The following HEMK2 variants were observed in gnomAD, a reference collection of about 807,000 sequenced individuals.
HEMK2 encodes HemK methyltransferase 2, ETF1 glutamine and histone H4 lysine.
chr21:28,659,275 C>T, the HEMK2 span, among the ~76,000 whole-genome samples: 2 of 152,076 alleles, frequency 1.3e-5, no homozygotes, highest in Admixed American at 6.6e-5. Flanking sequence ...TAACCCACTG[C>T]AAGCGCTTCA....
chr21:28,652,155 A>G, the HEMK2 span, among the ~76,000 whole-genome samples: 8 of 152,348 alleles, frequency 5.3e-5, 1 homozygote, highest in South Asian at 1.4e-3. Flanking sequence ...TTATTAAAAC[A>G]TAAGAAAAGT....
chr21:28,684,410 G>T, the HEMK2 span, among the ~76,000 whole-genome samples: 4 of 152,170 alleles, frequency 2.6e-5, no homozygotes, highest in African/African-American at 9.7e-5. Context: ...AACTTCATTA[G>T]TAATACCTTG....
the HEMK2 span, among the ~76,000 whole-genome samples, chr21:28,861,795 C>G: frequency 6.6e-6 from 1 of 152,186 alleles, no homozygotes; most frequent in African/African-American, 2.4e-5. Context: ...GTTTCTCTCA[C>G]AGCCAGGATT....
chr21:28,728,906 CCA>C, the HEMK2 span, among the ~76,000 whole-genome samples: 1 of 152,174 alleles, frequency 6.6e-6, no homozygotes, highest in African/African-American at 2.4e-5. Context: ...CAAGCAGTGC[CCA>C]CTCTCCACCC....
the HEMK2 span, among the ~76,000 whole-genome samples, chr21:28,752,175 T>A: frequency 6.3e-4 from 96 of 152,308 alleles, no homozygotes; most frequent in African/African-American, 2.3e-3. Flanking sequence ...TGTTTGCCAG[T>A]GAATAGACTA....
the HEMK2 span, among the ~76,000 whole-genome samples, chr21:28,733,145 G>A: frequency 6.6e-6 from 1 of 152,136 alleles, no homozygotes; most frequent in African/African-American, 2.4e-5. Context: ...CGGGCGTGGT[G>A]GTGGGCACCT....
the HEMK2 span, among the ~76,000 whole-genome samples, chr21:28,865,585 C>G: frequency 1.3e-5 from 2 of 152,216 alleles, no homozygotes; most frequent in Non-Finnish European, 2.9e-5. Flanking sequence ...CTGTTTCCTG[C>G]TCTATCCTAG....
At chr21:28,751,749 G>A in the HEMK2 span, among the ~76,000 whole-genome samples, 14 of 152,286 alleles carry the variant, frequency 9.2e-5, no homozygotes, top group South Asian at 2.1e-3. Flanking sequence ...GCATGATCTC[G>A]GCTCACCGCA....
chr21:28,588,779 C>T, the HEMK2 span, among the ~76,000 whole-genome samples: 99 of 152,000 alleles, frequency 6.5e-4, no homozygotes, highest in Non-Finnish European at 1.1e-3. Context: ...GTCAGGAGAT[C>T]GAGACCATCC....
chr21:28,643,307 C>A, the HEMK2 span, among the ~76,000 whole-genome samples: 3 of 152,132 alleles, frequency 2.0e-5, no homozygotes, highest in African/African-American at 7.2e-5. Flanking sequence ...GGGGGTAGAG[C>A]CCTCATAAAT....
chr21:28,793,985 C>A, the HEMK2 span, among the ~76,000 whole-genome samples: 1 of 152,160 alleles, frequency 6.6e-6, no homozygotes, highest in South Asian at 2.1e-4. Flanking sequence ...GCCTGAAGAA[C>A]TTTGAGAAAA....
At chr21:28,734,513 A>T in the HEMK2 span, among the ~76,000 whole-genome samples, 9 of 152,208 alleles carry the variant, frequency 5.9e-5, no homozygotes, top group African/African-American at 2.2e-4. Flanking sequence ...AAAGAAGTTT[A>T]TATAATGAAT....
chr21:28,593,732 T>A, the HEMK2 span, among the ~76,000 whole-genome samples: 1 of 152,224 alleles, frequency 6.6e-6, no homozygotes, highest in African/African-American at 2.4e-5. Flanking sequence ...AAAACAGTAG[T>A]ATTGGGTTAT....
At chr21:28,883,560 G>C in the HEMK2 span, among the ~76,000 whole-genome samples, 1 of 91,682 alleles carries the variant, frequency 1.1e-5, no homozygotes, top group South Asian at 4.2e-4. Flanking sequence ...CCCAATAATA[G>C]AGCAGGACAA....
At chr21:28,864,872 T>TA in the HEMK2 span, among the ~76,000 whole-genome samples, 43 of 76,328 alleles carry the variant, frequency 5.6e-4, no homozygotes, top group African/African-American at 1.7e-3. Context: ...GATAGATGGA[T>TA]GATAGGTAGA....
At chr21:28,707,346 C>T in the HEMK2 span, among the ~76,000 whole-genome samples, 2 of 150,918 alleles carry the variant, frequency 1.3e-5, no homozygotes, top group African/African-American at 2.4e-5. Flanking sequence ...ACCTCCGCGT[C>T]CCCCATTCAA....
the HEMK2 span, among the ~76,000 whole-genome samples, chr21:28,771,082 A>G: frequency 6.6e-6 from 1 of 152,202 alleles, no homozygotes; most frequent in Non-Finnish European, 1.5e-5. Context: ...TAAGTACTTC[A>G]GAAACATTAC....
chr21:28,587,120 C>G, the HEMK2 span, among the ~76,000 whole-genome samples: 3 of 151,410 alleles, frequency 2.0e-5, no homozygotes, highest in Non-Finnish European at 4.4e-5. Context: ...GCAAGCTATC[C>G]TATTTTATAG....
At chr21:28,796,508 T>A in the HEMK2 span, among the ~76,000 whole-genome samples, 1 of 152,320 alleles carries the variant, frequency 6.6e-6, no homozygotes, top group South Asian at 2.1e-4. Context: ...AGACTTTAGC[T>A]TCAGTCAGAG....
Sources: gnomAD v4.1 joint callset for allele counts (sites outside exome capture counted in the v4.1 genomes callset) on GRCh38, gnomAD v4.1.1 for gene constraint, MANE v1.5 for transcripts, NCBI Gene and HGNC (gene_info 2026-07-23, HGNC 2026-07-21) for gene names.